The following RBL2 variants were observed in gnomAD, a reference collection of about 807,000 sequenced individuals.
RBL2 encodes the protein RB transcriptional corepressor like 2, also known as retinoblastoma-like protein 2.
A neutral mutation model predicts 126.0 loss-of-function variants in RBL2; 56 were observed. The ratio of observed to expected loss-of-function variants is 0.44; its 90% CI spans 0.36 to 0.56. The LOEUF (loss-of-function observed/expected upper bound fraction) is 0.56. Ranked by LOEUF, RBL2 falls within the 20% of genes least tolerant of loss-of-function variation. RBL2 has a pLI of 0.00. For missense variants in RBL2, 1,229 were observed against 1,398.2 expected (o/e 0.88, Z 1.93); for synonymous variants, 454 against 478.5 (o/e 0.95, Z 0.67).
chr16:53,469,215 G>T (rs2058297882), intron 14 of RBL2, among the ~76,000 whole-genome samples: 1 of 152,130 alleles, frequency 6.6e-6, no homozygotes, highest in Non-Finnish European at 1.5e-5. Flanking sequence ...GGGTGATAGA[G>T]TAAGACTCTG....
chr16:53,479,323 A>G (rs1598127497), intron 18 of RBL2, 98 bp downstream of exon 18: 1 of 1,046,878 alleles, frequency 9.6e-7, no homozygotes, highest in Non-Finnish European at 1.4e-6. Context: ...TTTTTCCAAG[A>G]TAAACACCTG....
chr16:53,465,395 T>C (rs766948584), intron 12 of RBL2, 43 bp from the exon 13 acceptor site: 2 of 1,269,686 alleles, frequency 1.6e-6, no homozygotes, highest in Non-Finnish European at 2.1e-6. Context: ...TATTTAAAAA[T>C]ATTTAATAAT....
At chr16:53,466,651 A>G (rs959165639) in intron 13 of RBL2, 19 of 178,726 alleles carry the variant, frequency 1.1e-4, no homozygotes, top group Non-Finnish European at 3.5e-5. Flanking sequence ...CTAATCTGAC[A>G]GGAGGCCAGC....
rs1315948546 is a variant in RBL2 at position 53,453,200 on chromosome 16, G to A, written c.767-252G>A. 2.0e-5 allele frequency among the ~76,000 whole-genome samples: 3 copies of A among 152,082 alleles called. No homozygotes were observed. In the East Asian group the frequency reaches 5.8e-4, roughly 29 times the overall value. Reference sequence around the variant, plus strand: ...TAAAATTTGATATCCTAAAATTTAAGTTTTAAGTTTCCCTTAACCATCTCT... The same window carrying A: ...TAAAATTTGATATCCTAAAATTTAAATTTTAAGTTTCCCTTAACCATCTCT... On this transcript the variant is annotated intron_variant, in intron 5 of 21. Transcript: ENST00000262133.
Position 53,467,886 on chromosome 16 carries a change from C to T in RBL2, c.1975+717C>T, listed in dbSNP as rs140336486. 6.2e-4 allele frequency among the ~76,000 whole-genome samples: 94 copies of T among 152,260 alleles called. 1 individual carries two copies. In the East Asian group the frequency reaches 0.012, roughly 20 times the overall value. ...TAGAAAAGCCTTCTTAAAGATAGAG[C>T]TGCATGATCCAGTTAGGTATAGACA... is the stretch of plus-strand genomic sequence containing the variant. On this transcript the variant is annotated intron_variant, in intron 14 of 21. Transcript: ENST00000262133.
intron 8 of RBL2, among the ~76,000 whole-genome samples, chr16:53,455,862 G>A (rs1342945840): frequency 1.3e-5 from 2 of 152,076 alleles, no homozygotes; most frequent in East Asian, 3.9e-4. Context: ...ATAGAGTGAG[G>A]GAAAAAGTGG....
At chr16:53,456,186 G>A (rs372056643) in intron 8 of RBL2, among the ~76,000 whole-genome samples, 1 of 151,210 alleles carries the variant, frequency 6.6e-6, no homozygotes, top group African/African-American at 2.4e-5. Flanking sequence ...TAAAAAAAAA[G>A]AAAAGAAGAA....
intron 2 of RBL2, among the ~76,000 whole-genome samples, chr16:53,441,970 G>A (rs1244033223): frequency 6.6e-6 from 1 of 151,968 alleles, no homozygotes; most frequent in Non-Finnish European, 1.5e-5. Flanking sequence ...ACAGGTGCCC[G>A]CCACCACGCC....
chr16:53,453,102 A>G (rs1363821128), intron 5 of RBL2, among the ~76,000 whole-genome samples: 1 of 152,116 alleles, frequency 6.6e-6, no homozygotes, highest in East Asian at 1.9e-4. Flanking sequence ...TAATTTTTTT[A>G]AAGTGGTGTT....
At chr16:53,454,918 C>A in intron 8 of RBL2, 76 bp downstream of exon 8, 1 of 1,307,826 alleles carries the variant, frequency 7.6e-7, no homozygotes, top group Non-Finnish European at 1.0e-6. Context: ...TTGGTAATTT[C>A]ATGTTTGTGT....
At position 53,491,195 on chromosome 16, in the gene RBL2, T is replaced by G. The variant is rs1387419694; in HGVS notation, c.*895T>G. ...TTTAATCAAGTTGAATTGAGGGGAT[T>G]AATATGAAAACTTATGACCTCTTCC... On this transcript the variant is annotated 3_prime_UTR_variant, in exon 22 of 22. Coordinates refer to ENST00000262133, the MANE Select transcript of RBL2 (RefSeq NM_005611.4). 2.0e-5 allele frequency: 3 copies of G among 152,272 alleles called. No individual in the cohort carries two copies. The highest frequency in any genetic ancestry group is 6.5e-5 in the Admixed American group (1 of 15,284). 9.4% of individuals were successfully genotyped at this position (152,272 alleles called of 1,614,324 possible).
Position 53,470,840 on chromosome 16 carries a change from T to G in RBL2, c.2621T>G (p.Phe874Cys). The G allele has an allele frequency of 6.2e-7, 1 of 1,614,126 alleles. No homozygotes were observed. Among genetic ancestry groups the G allele is most frequent in the East Asian group, 2.2e-5 (1 of 44,882 alleles). The change falls in exon 17 of 22, where the codon TTC (phenylalanine) becomes TGC (cysteine). Residue 874 changes from phenylalanine to cysteine, a missense_variant. Around this residue, in one of 2 missense-constraint regions of RBL2, gnomAD observed 1,070 missense variants for 1,274.3 expected, o/e 0.84. Transcript: ENST00000262133. ...AAAAAAATCTGGACCTGCTTTGAAT[T>G]CTCCATAATTCAGTGTCCTGAACTT... ...LRKKIWTCFEFSIIQCPELMM... is the reference protein window; with the variant it reads ...LRKKIWTCFECSIIQCPELMM...
At chr16:53,453,096 T>A (rs1372774200) in intron 5 of RBL2, among the ~76,000 whole-genome samples, 1 of 152,192 alleles carries the variant, frequency 6.6e-6, no homozygotes, top group Non-Finnish European at 1.5e-5. Context: ...ACAGTGTAAT[T>A]TTTTTAAAGT....
intron 3 of RBL2, among the ~76,000 whole-genome samples, 179 bp downstream of exon 3, chr16:53,443,037 G>A (rs2058030795): frequency 6.6e-6 from 1 of 151,906 alleles, no homozygotes; most frequent in Admixed American, 6.6e-5. Context: ...GCCATGAAGA[G>A]TGGCTTTTTT....
rs76159752 is a variant in RBL2 at position 53,472,658 on chromosome 16, G to C, written c.2703+1736G>C. Reference sequence around the variant, plus strand: ...AACTACCTTCTCAGATGTATGATTTGCAAATATTTTCTCCCATTCGGTGTA... The same window carrying C: ...AACTACCTTCTCAGATGTATGATTTCCAAATATTTTCTCCCATTCGGTGTA... On this transcript the variant is annotated intron_variant, in intron 17 of 21. Transcript: ENST00000262133. 7.4e-3 allele frequency among the ~76,000 whole-genome samples: 1,125 copies of C among 152,196 alleles called. 20 individuals are homozygous for C. Among genetic ancestry groups the C allele is most frequent in the African/African-American group, 0.026 (1,079 of 41,532 alleles).
In RBL2 at chr16:53,441,640, A is replaced by G. The variant is rs1379045316; in HGVS notation, c.372-1018A>G. Among the ~76,000 whole-genome samples, 8 of 152,178 alleles carry G rather than the reference A, an allele frequency of 5.3e-5. No individual in the cohort carries two copies. The East Asian group carries it at 1.5e-3, about 29-fold the overall frequency. On this transcript the variant is annotated intron_variant, in intron 2 of 21. Transcript: ENST00000262133. ...CACTGAAGTATGATAGCATTTATAT[A>G]AAATGTAAAAACACGTAATAAGATA...
Position 53,467,127 on chromosome 16 carries a change from AGGG to A in RBL2, c.1934_1936del (p.Arg645_Val646delinsMet), listed in dbSNP as rs1411121794. ...TGCTGGCTCCCCTTTGACTCCCAGAAGGGTGACTGAAGTTCGTGCTGATACTGG... is the reference window on the plus strand; with the variant it reads ...TGCTGGCTCCCCTTTGACTCCCAGAATGACTGAAGTTCGTGCTGATACTGG... On this transcript the variant is annotated inframe_deletion, in exon 14 of 22. Transcript: ENST00000262133. The A allele has an allele frequency of 6.2e-7, 1 of 1,613,960 alleles. No homozygotes were observed. Among genetic ancestry groups the A allele is most frequent in the Non-Finnish European group, 8.5e-7 (1 of 1,179,984 alleles).
intron 11 of RBL2, among the ~76,000 whole-genome samples, chr16:53,463,189 A>G (rs564659664): frequency 6.6e-6 from 1 of 152,296 alleles, no homozygotes; most frequent in Admixed American, 6.5e-5. Context: ...AAAAAATAAT[A>G]ATTATTGACA....
At chr16:53,435,728 T>TAGGTTAG in intron 1 of RBL2, 1 of 1,288,856 alleles carries the variant, frequency 7.8e-7, no homozygotes, top group Non-Finnish European at 1.0e-6. Context: ...AGGTCCAGGA[T>TAGGTTAG]GCAAAGCCTA....
Sources: allele counts gnomAD v4.1 joint callset (sites outside exome capture counted in the v4.1 genomes callset), GRCh38; gene constraint gnomAD v4.1.1; regional missense constraint gnomAD v4.1.1; transcripts MANE v1.5; gene names NCBI Gene and HGNC (gene_info 2026-07-23, HGNC 2026-07-21).